CSNK1G3: variants seen among roughly 807,000 people sequenced by gnomAD.
The protein encoded by CSNK1G3 is casein kinase 1 gamma 3, also known as casein kinase I isoform gamma-3.
Under a neutral mutation model 64.3 loss-of-function variants are expected in CSNK1G3, and 23 were observed. The observed-to-expected ratio is 0.36, with a 90% CI of 0.26 to 0.51. The LOEUF (loss-of-function observed/expected upper bound fraction) is 0.51. CSNK1G3 is among the 20% of genes least tolerant of loss of function. CSNK1G3 has a pLI of 0.96. For missense variants in CSNK1G3, 357 were observed against 510.5 expected, an observed-to-expected ratio of 0.70 and a Z score of 2.90; for synonymous variants, 158 against 162.2, an observed-to-expected ratio of 0.97 and a Z score of 0.20.
intron 1 of CSNK1G3, among the ~76,000 whole-genome samples, chr5:123,518,889 A>G (rs1015004735): frequency 2.0e-5 from 3 of 152,200 alleles, no homozygotes; most frequent in Non-Finnish European, 2.9e-5. Context: ...CGTCCCAAGT[A>G]GCTGGGATTA....
intron 9 of CSNK1G3, 63 bp from the exon 10 acceptor site, chr5:123,591,256 A>G (rs1792298706): frequency 8.9e-6 from 9 of 1,010,184 alleles, no homozygotes; most frequent in Non-Finnish European, 5.7e-6. Flanking sequence ...TTAAGCAGCT[A>G]AATGATTTTA....
At chr5:123,571,261 A>G (rs150408106) in intron 4 of CSNK1G3, among the ~76,000 whole-genome samples, 2 of 151,888 alleles carry the variant, frequency 1.3e-5, no homozygotes, top group East Asian at 1.9e-4. Context: ...TGATTACACT[A>G]TCTTTTTTTG....
chr5:123,539,334 A>C (rs1561479443), intron 1 of CSNK1G3, among the ~76,000 whole-genome samples: 1 of 151,458 alleles, frequency 6.6e-6, no homozygotes, highest in South Asian at 2.1e-4. Context: ...GGTCTCAGCT[A>C]CTCGGGAGGC....
intron 2 of CSNK1G3, among the ~76,000 whole-genome samples, chr5:123,550,602 C>A (rs1270456853): frequency 6.6e-6 from 1 of 152,122 alleles, no homozygotes; most frequent in Non-Finnish European, 1.5e-5. Flanking sequence ...TTGATAATTA[C>A]CACCCCAAAG....
At chr5:123,532,889 A>C (rs774649119) in intron 1 of CSNK1G3, among the ~76,000 whole-genome samples, 1 of 151,886 alleles carries the variant, frequency 6.6e-6, no homozygotes, top group Non-Finnish European at 1.5e-5. Context: ...TTTTCAGTAG[A>C]TAGAACCAGT....
chr5:123,512,406 C>G (rs1225612988), exon 1 of CSNK1G3: 4 of 152,200 alleles, frequency 2.6e-5, no homozygotes, highest in Non-Finnish European at 4.4e-5. Context: ...GCTCCTTCCC[C>G]CCTACCTCGC....
At chr5:123,574,896 G>A (rs868763783) in intron 5 of CSNK1G3, among the ~76,000 whole-genome samples, 4 of 152,002 alleles carry the variant, frequency 2.6e-5, no homozygotes, top group Non-Finnish European at 4.4e-5. Context: ...TCATGACTTT[G>A]CAAATGCTCA....
chr5:123,559,781 G>T (rs1161667413), intron 4 of CSNK1G3, among the ~76,000 whole-genome samples: 1 of 149,974 alleles, frequency 6.7e-6, no homozygotes, highest in Non-Finnish European at 1.5e-5. Flanking sequence ...AGAAAAACAA[G>T]AGTGCTTAAT....
Position 123,589,331 on chromosome 5 carries a change from A to G in CSNK1G3, c.844+820A>G, listed in dbSNP as rs550651729. Among the ~76,000 whole-genome samples, 5 of 152,274 alleles carry G rather than the reference A, an allele frequency of 3.3e-5. No homozygotes were observed. The East Asian group carries it at 7.7e-4, about 23-fold the overall frequency. On this transcript the variant is annotated intron_variant, in intron 8 of 12. Transcript: ENST00000345990. Reference sequence around the variant, plus strand: ...TAATTATATATTTTCCTTTCTTGCTATAATATCTAGAAGTAGATTTTTTAA... The same window carrying G: ...TAATTATATATTTTCCTTTCTTGCTGTAATATCTAGAAGTAGATTTTTTAA...
chr5:123,523,145 T>TCTG (rs1778431466), intron 1 of CSNK1G3, among the ~76,000 whole-genome samples: 5 of 151,654 alleles, frequency 3.3e-5, no homozygotes, highest in Admixed American at 2.6e-4. Context: ...TAACTGCACT[T>TCTG]CTGCTTTCTT....
At chr5:123,557,402 A>G (rs1454391901) in intron 3 of CSNK1G3, 93 bp from the exon 4 acceptor site, 4 of 788,630 alleles carry the variant, frequency 5.1e-6, no homozygotes. Flanking sequence ...ATTACATAAT[A>G]TAGGCATTGA....
chr5:123,590,289 G>A (rs1280708154), intron 8 of CSNK1G3, 121 bp from the exon 9 acceptor site: 3 of 406,512 alleles, frequency 7.4e-6, no homozygotes, highest in African/African-American at 4.1e-5. Context: ...AATTTAAATT[G>A]CAATGTAATT....
At chr5:123,581,171 A>G (rs539381071) in intron 6 of CSNK1G3, among the ~76,000 whole-genome samples, 1 of 151,782 alleles carries the variant, frequency 6.6e-6, no homozygotes, top group Admixed American at 6.5e-5. Context: ...ATTTTTTGTT[A>G]GAGTATAATG....
At chr5:123,558,179 A>T (rs1051622277) in intron 4 of CSNK1G3, among the ~76,000 whole-genome samples, 8 of 151,994 alleles carry the variant, frequency 5.3e-5, no homozygotes, top group African/African-American at 1.9e-4. Flanking sequence ...CTGATTTCAG[A>T]CTCTTACCTC....
At chr5:123,600,748 G>A (rs1278014365) in intron 10 of CSNK1G3, among the ~76,000 whole-genome samples, 1 of 151,884 alleles carries the variant, frequency 6.6e-6, no homozygotes, top group Non-Finnish European at 1.5e-5. Context: ...AATACTATAT[G>A]TTATGTCTGT....
intron 6 of CSNK1G3, among the ~76,000 whole-genome samples, chr5:123,576,213 G>A (rs1421920552): frequency 6.6e-6 from 1 of 152,066 alleles, no homozygotes; most frequent in Admixed American, 6.5e-5. Flanking sequence ...ATAACTTGAA[G>A]TGTTCAACTT....
At position 123,591,429 on chromosome 5, in the gene CSNK1G3, A is replaced by C. The variant is rs753239634; in HGVS notation, c.1086+15A>C. 1 of 1,558,292 alleles carries C rather than the reference A, an allele frequency of 6.4e-7. No individual in the cohort carries two copies. The highest frequency in any genetic ancestry group is 8.8e-7 in the Non-Finnish European group (1 of 1,135,936). ...CCAAAAACCAGGTTTGCTGCCCTTT[A>C]GATATGAAATACCTTCCTTTCATGA... On this transcript the variant is annotated intron_variant, in intron 10 of 12. Coordinates refer to ENST00000345990, the Ensembl canonical transcript of CSNK1G3.
At chr5:123,555,889 C>T in intron 3 of CSNK1G3, among the ~76,000 whole-genome samples, 1 of 151,980 alleles carries the variant, frequency 6.6e-6, no homozygotes, top group East Asian at 1.9e-4. Flanking sequence ...AGGTTATGTA[C>T]TTCTAGGTAG....
chr5:123,594,875 C>G (rs1385862606), intron 10 of CSNK1G3, among the ~76,000 whole-genome samples, 164 bp from the exon 11 acceptor site: 1 of 152,088 alleles, frequency 6.6e-6, no homozygotes, highest in Non-Finnish European at 1.5e-5. Context: ...TAATTAAAAT[C>G]ACTCCACATT....
Sources: allele counts gnomAD v4.1 joint callset (sites outside exome capture counted in the v4.1 genomes callset), GRCh38; gene constraint gnomAD v4.1.1; transcripts MANE v1.5; gene names NCBI Gene and HGNC (gene_info 2026-07-23, HGNC 2026-07-21).